Variants in RBMS3 observed in about 807,000 individuals in gnomAD.
RBMS3 encodes the protein RNA-binding motif, single-stranded-interacting protein 3.
RBMS3 carries 27 observed loss-of-function variants against 66.8 expected under a neutral mutation model. The ratio of observed to expected loss-of-function variants is 0.40; its 90% CI spans 0.30 to 0.56. The LOEUF (loss-of-function observed/expected upper bound fraction) is 0.56. Among genes scored for constraint, RBMS3 ranks in the 20% least tolerant of loss-of-function variants. The pLI is 0.40. For synonymous variants in RBMS3, 188 were observed against 183.0 expected (o/e 1.03, Z -0.22); for missense variants, 513 against 549.5 (o/e 0.93, Z 0.66).
intron 3 of RBMS3, among the ~76,000 whole-genome samples, chr3:29,520,489 T>G (rs2044813940): frequency 6.6e-6 from 1 of 152,202 alleles, no homozygotes; most frequent in Admixed American, 6.5e-5. Flanking sequence ...TTGCAAAAGA[T>G]GTTTTCAGTG....
At chr3:29,310,969 A>C (rs917246333) in intron 1 of RBMS3, among the ~76,000 whole-genome samples, 1 of 151,818 alleles carries the variant, frequency 6.6e-6, no homozygotes, top group Non-Finnish European at 1.5e-5. Flanking sequence ...TTTAGTCTGC[A>C]CAGTCCAACT....
Position 29,571,837 on chromosome 3 carries a change from G to A in RBMS3, c.308-15277G>A, listed in dbSNP as rs566197510. On this transcript the variant is annotated intron_variant, in intron 3 of 14. Coordinates refer to ENST00000383767, the MANE Select transcript of RBMS3 (RefSeq NM_001003793.3). Reference sequence around the variant, plus strand: ...TGTCATTGGTATATTGATAGGGACTGCATTGAATCAGTAGATTGTTTTGGA... The same window carrying A: ...TGTCATTGGTATATTGATAGGGACTACATTGAATCAGTAGATTGTTTTGGA... Among the ~76,000 whole-genome samples, 4 of 152,242 alleles carry A rather than the reference G, an allele frequency of 2.6e-5. No individual in the cohort carries two copies. In the South Asian group the frequency reaches 6.2e-4, roughly 24 times the overall value.
intron 8 of RBMS3, among the ~76,000 whole-genome samples, chr3:29,890,189 T>G (rs1266188613): frequency 2.0e-5 from 3 of 151,638 alleles, no homozygotes; most frequent in African/African-American, 7.3e-5. Context: ...ACATTCCCAG[T>G]AGTAGGACAC....
At chr3:29,596,077 A>G (rs146620709) in intron 4 of RBMS3, among the ~76,000 whole-genome samples, 2 of 152,320 alleles carry the variant, frequency 1.3e-5, no homozygotes, top group East Asian at 3.9e-4. Context: ...TTACACCACT[A>G]TCTTTCCATA....
intron 14 of RBMS3, among the ~76,000 whole-genome samples, chr3:30,001,373 G>A (rs928153662): frequency 1.1e-4 from 16 of 151,852 alleles, no homozygotes; most frequent in Non-Finnish European, 1.6e-4. Context: ...TAAGATTATC[G>A]TTTGTTACGT....
At chr3:29,335,456 T>G (rs905053815) in intron 1 of RBMS3, among the ~76,000 whole-genome samples, 1 of 152,136 alleles carries the variant, frequency 6.6e-6, no homozygotes, top group African/African-American at 2.4e-5. Context: ...GCAGATATGC[T>G]CAAAGAACTC....
At chr3:29,885,408 G>A (rs2059847263) in intron 8 of RBMS3, among the ~76,000 whole-genome samples, 1 of 151,888 alleles carries the variant, frequency 6.6e-6, no homozygotes, top group South Asian at 2.1e-4. Flanking sequence ...AAGATATGGA[G>A]AAGAAAGTCC....
chr3:29,616,698 A>G (rs552247857), intron 4 of RBMS3: 5 of 152,140 alleles, frequency 3.3e-5, no homozygotes, highest in Non-Finnish European at 7.4e-5. Flanking sequence ...ATGTCCCTCA[A>G]TAAATTTACC....
chr3:29,798,354 G>A (rs781148779), intron 6 of RBMS3, among the ~76,000 whole-genome samples: 45 of 111,632 alleles, frequency 4.0e-4, no homozygotes, highest in Non-Finnish European at 5.7e-4. Context: ...GGGAGGAGAG[G>A]GGAGGGGAGG....
At chr3:29,962,132 G>C (rs1044806823) in intron 12 of RBMS3, among the ~76,000 whole-genome samples, 2 of 146,114 alleles carry the variant, frequency 1.4e-5, no homozygotes, top group African/African-American at 5.0e-5. Flanking sequence ...CCTTCCTTTT[G>C]CATGACTTTT....
intron 4 of RBMS3, among the ~76,000 whole-genome samples, chr3:29,732,129 G>A (rs2054165557): frequency 6.6e-6 from 1 of 151,960 alleles, no homozygotes; most frequent in African/African-American, 2.4e-5. Context: ...AGATTATGGA[G>A]GCAACAAGTC....
intron 4 of RBMS3, among the ~76,000 whole-genome samples, chr3:29,669,020 C>G (rs772653274): frequency 7.9e-5 from 12 of 152,142 alleles, no homozygotes; most frequent in Non-Finnish European, 1.5e-4. Flanking sequence ...GTGTTGGTTT[C>G]TTCTGGCTCA....
chr3:29,822,937 G>A (rs1158261798), intron 6 of RBMS3, among the ~76,000 whole-genome samples: 2 of 152,206 alleles, frequency 1.3e-5, no homozygotes, highest in East Asian at 3.9e-4. Context: ...AGTTTGAAAG[G>A]AATGCTTAGT....
At chr3:29,807,259 T>C (rs975201081) in intron 6 of RBMS3, among the ~76,000 whole-genome samples, 3 of 151,920 alleles carry the variant, frequency 2.0e-5, no homozygotes, top group Middle Eastern at 3.2e-3. Context: ...ACTAAGCAAC[T>C]GTCTTTTTCT....
At chr3:29,406,836 ATTG>A (rs2040037908) in intron 1 of RBMS3, among the ~76,000 whole-genome samples, 1 of 152,206 alleles carries the variant, frequency 6.6e-6, no homozygotes, top group African/African-American at 2.4e-5. Flanking sequence ...CTCCTTTGAA[ATTG>A]TTAAGTAGTA....
At chr3:29,658,151 C>T (rs183591230) in intron 4 of RBMS3, among the ~76,000 whole-genome samples, 3 of 152,164 alleles carry the variant, frequency 2.0e-5, no homozygotes, top group East Asian at 1.9e-4. Flanking sequence ...AAATAGGACC[C>T]GTGATGTCTT....
chr3:29,489,415 TGAA>T (rs2043442932), intron 3 of RBMS3, among the ~76,000 whole-genome samples: 1 of 151,946 alleles, frequency 6.6e-6, no homozygotes, highest in African/African-American at 2.4e-5. Flanking sequence ...AACTCAGAAA[TGAA>T]CTACATATTA....
At chr3:29,348,607 A>G (rs1174291425) in intron 1 of RBMS3, among the ~76,000 whole-genome samples, 1 of 151,642 alleles carries the variant, frequency 6.6e-6, no homozygotes, top group Non-Finnish European at 1.5e-5. Context: ...AACACTCTTT[A>G]TGTTTAAAAA....
chr3:29,454,916 T>C (rs2042130652), intron 2 of RBMS3, among the ~76,000 whole-genome samples: 1 of 152,206 alleles, frequency 6.6e-6, no homozygotes, highest in African/African-American at 2.4e-5. Context: ...AATTTTATAA[T>C]ATTAGATCTG....
Sources: allele counts gnomAD v4.1 joint callset (sites outside exome capture counted in the v4.1 genomes callset), GRCh38; gene constraint gnomAD v4.1.1; transcripts MANE v1.5; gene names NCBI Gene and HGNC (gene_info 2026-07-23, HGNC 2026-07-21).